Variants in DCLRE1C observed in about 807,000 individuals in gnomAD.
DCLRE1C encodes the protein DNA cross-link repair 1C.
DCLRE1C carries 47 observed loss-of-function variants against 61.4 expected under a neutral mutation model. The ratio of observed to expected loss-of-function variants is 0.77; its 90% CI spans 0.61 to 0.98. The LOEUF is 0.98. DCLRE1C is among the 50% of genes least tolerant of loss of function. The probability of loss-of-function intolerance (pLI) is 0.00; values close to 1 mark genes in which losing one functional copy is unlikely to be tolerated. For missense variants in DCLRE1C, 858 were observed against 816.0 expected, an observed-to-expected ratio of 1.05 and a Z score of -0.63; for synonymous variants, 337 against 287.6, an observed-to-expected ratio of 1.17 and a Z score of -1.74.
intron 13 of DCLRE1C, among the ~76,000 whole-genome samples, chr10:14,918,813 G>A (rs1307074585): frequency 6.6e-6 from 1 of 152,046 alleles, no homozygotes; most frequent in Non-Finnish European, 1.5e-5. Flanking sequence ...TCTTGGAATT[G>A]TCATCTAAAT....
Position 14,926,856 on chromosome 10 carries a change from G to C in DCLRE1C, c.959C>G (p.Ser320Cys), listed in dbSNP as rs41298896. ...SSYRACFSFHSSYSEIKDFLS... is the reference protein window; with the variant it reads ...SSYRACFSFHCSYSEIKDFLS... ...GGATCCTCTTACCTCACTGTAGGAG[G>C]AGTGAAAAGAAAAACAAGCTCTGTA... is the stretch of plus-strand genomic sequence containing the variant. Residue 320 changes from serine to cysteine, a missense_variant, in exon 11 of 14, where the codon TCC becomes TGC. By Grantham distance (112) the Ser-to-Cys change is moderately radical. This residue lies in a region of DCLRE1C where 843 missense variants were observed against 783.5 expected (regional missense o/e 1.08). Coordinates refer to ENST00000378278, the MANE Select transcript of DCLRE1C (RefSeq NM_001033855.3). 2.0e-3 allele frequency: 3,190 copies of C among 1,613,084 alleles called. 43 individuals carry two copies. The African/African-American group carries it at 0.036, about 18-fold the overall frequency.
intron 9 of DCLRE1C, among the ~76,000 whole-genome samples, chr10:14,930,292 T>C (rs2130881250): frequency 6.7e-6 from 1 of 148,536 alleles, no homozygotes; most frequent in South Asian, 2.2e-4. Flanking sequence ...TTTTTTTTTT[T>C]TTTTTTTTTT....
rs757316102 is a variant in DCLRE1C, at chr10:14,936,550, G to A, written c.350C>T (p.Pro117Leu). 3.5e-5 allele frequency: 57 copies of A among 1,612,312 alleles called. No homozygotes were observed. Among genetic ancestry groups the A allele is most frequent in the East Asian group, 4.5e-5 (2 of 44,866 alleles). The part of the protein sequence containing the change: ...VVTLLPAGHC[P>L]GSVMFLFQGN... ...ATGACCCCCTTACATAACTGATCCC[G>A]GACAGTGACCAGCTGGTAAGAGAGT... The change falls in exon 5 of 14, where the codon CCG (proline) becomes CTG (leucine). Residue 117 changes from proline (P) to leucine (L), a missense_variant. Transcript: ENST00000378278.
intron 13 of DCLRE1C, among the ~76,000 whole-genome samples, chr10:14,914,005 A>G (rs982059089): frequency 5.9e-5 from 9 of 152,240 alleles, no homozygotes; most frequent in Non-Finnish European, 1.3e-4. Flanking sequence ...AAAAGAATAA[A>G]GAACAAATGG....
At chr10:14,914,503 C>T (rs1388811527) in intron 13 of DCLRE1C, among the ~76,000 whole-genome samples, 2 of 152,194 alleles carry the variant, frequency 1.3e-5, no homozygotes, top group Non-Finnish European at 2.9e-5. Context: ...ACATTGTCAA[C>T]TAACTTAGCC....
chr10:14,918,644 AG>A (rs946975195), intron 13 of DCLRE1C, among the ~76,000 whole-genome samples: 40 of 151,592 alleles, frequency 2.6e-4, no homozygotes, highest in African/African-American at 6.3e-4. Context: ...AAAAAAAAAA[AG>A]AAAAAAACCT....
intron 3 of DCLRE1C, among the ~76,000 whole-genome samples, chr10:14,943,222 C>T (rs1841160439): frequency 6.6e-6 from 1 of 152,164 alleles, no homozygotes; most frequent in Admixed American, 6.5e-5. Flanking sequence ...ATGTAATGAA[C>T]CCACATTCTG....
intron 2 of DCLRE1C, among the ~76,000 whole-genome samples, chr10:14,948,547 A>G (rs1842013010): frequency 6.6e-6 from 1 of 152,196 alleles, no homozygotes; most frequent in South Asian, 2.1e-4. Flanking sequence ...AATCACACAA[A>G]TACAAAGTTA....
Position 14,915,651 on chromosome 10 carries a change from A to T in DCLRE1C, c.1156+4087T>A, listed in dbSNP as rs1836059751. On this transcript the variant is annotated intron_variant, in intron 13 of 13. Transcript: ENST00000378278. ...TCACATTTGTAGTTAAAAAAAAAAAACCTTCCCACAAAGAAAACTCCTTTC... is the reference window on the plus strand; with the variant it reads ...TCACATTTGTAGTTAAAAAAAAAAATCCTTCCCACAAAGAAAACTCCTTTC... 2.0e-5 allele frequency among the ~76,000 whole-genome samples: 3 copies of T among 151,660 alleles called. No homozygotes were observed. The South Asian group carries it at 6.2e-4, about 32-fold the overall frequency.
At position 14,909,103 on chromosome 10, in the gene DCLRE1C, C is replaced by T; in HGVS notation, c.1384G>A (p.Glu462Lys). 1 of 1,614,148 alleles carries T rather than the reference C, an allele frequency of 6.2e-7. No individual in the cohort carries two copies. ...CEESNSESEEEVGIPASLQGD... is the reference protein window; with the variant it reads ...CEESNSESEEKVGIPASLQGD... The stretch of plus-strand genomic sequence containing the variant: ...TGCAGTGAAGCTGGGATTCCTACTT[C>T]TTCTTCACTTTCACTGTTGGATTCT... The change falls in exon 14 of 14, where the codon GAA (glutamate) becomes AAA (lysine). Residue 462 changes from glutamate (E) to lysine (K), a missense_variant. Glu to Lys is a moderately conservative substitution (Grantham distance 56). This residue lies in a region of DCLRE1C where 843 missense variants were observed against 783.5 expected (regional missense o/e 1.08). Transcript: ENST00000378278.
chr10:14,928,632 G>C (rs897423935), intron 9 of DCLRE1C, among the ~76,000 whole-genome samples: 1 of 152,140 alleles, frequency 6.6e-6, no homozygotes, highest in South Asian at 2.1e-4. Context: ...TTATTCTCAA[G>C]AGCCACAGGC....
intron 8 of DCLRE1C, 62 bp downstream of exon 8, chr10:14,934,318 A>T: frequency 4.2e-5 from 65 of 1,533,744 alleles, no homozygotes; most frequent in Non-Finnish European, 5.2e-5. Context: ...ACATAGCAAG[A>T]CTCCCTCTCA....
intron 12 of DCLRE1C, among the ~76,000 whole-genome samples, chr10:14,922,440 A>T (rs1035700187): frequency 4.6e-5 from 6 of 131,390 alleles, no homozygotes; most frequent in African/African-American, 1.9e-4. Flanking sequence ...GACCCTGTCT[A>T]AAAAAAAAAA....
downstream of DCLRE1C, chr10:14,902,438 C>T: frequency 6.2e-7 from 1 of 1,610,440 alleles, no homozygotes; most frequent in Non-Finnish European, 8.5e-7. Context: ...TTCTATTGAC[C>T]ACAGCCCAGC....
chr10:14,931,879 C>A (rs531714751), intron 9 of DCLRE1C, among the ~76,000 whole-genome samples: 1 of 151,864 alleles, frequency 6.6e-6, no homozygotes, highest in Admixed American at 6.6e-5. Flanking sequence ...TCTCTACTTA[C>A]AAAAATTAGC....
chr10:14,934,277 G>A (rs769621967), intron 8 of DCLRE1C, 103 bp downstream of exon 8: 274 of 1,511,960 alleles, frequency 1.8e-4, no homozygotes, highest in Middle Eastern at 2.4e-4. Flanking sequence ...GCAGTGAGCC[G>A]AGGTCGCGTC....
At position 14,923,070 on chromosome 10, in the gene DCLRE1C, C is replaced by G; in HGVS notation, c.973-1G>C. The G allele has an allele frequency of 6.2e-7, 1 of 1,610,970 alleles. No individual in the cohort carries two copies. Among genetic ancestry groups the G allele is most frequent in the Non-Finnish European group, 8.5e-7 (1 of 1,177,188 alleles). On this transcript the variant is annotated splice_acceptor_variant, in intron 11 of 13. Coordinates refer to ENST00000378278, the MANE Select transcript of DCLRE1C (RefSeq NM_001033855.3). LOFTEE classifies it high-confidence loss of function. ...AGAGGTAGCTCAAGAAATCTTTAAT[C>G]TAGAAAAAGGAAAATCACATGGATC...
chr10:14,920,358 A>G (rs1359485173), intron 12 of DCLRE1C: 1 of 1,039,378 alleles, frequency 9.6e-7, no homozygotes, highest in African/African-American at 1.7e-5. Context: ...AGGCAGAGAA[A>G]TAAGATTTGA....
At chr10:14,953,787 C>T (rs1049067639) in intron 1 of DCLRE1C, 115 bp downstream of exon 1, 1 of 1,468,282 alleles carries the variant, frequency 6.8e-7, no homozygotes, top group Non-Finnish European at 9.3e-7. Flanking sequence ...GTGTGCTGGC[C>T]GCCCCCTCGC....
Sources: gnomAD v4.1 joint callset for allele counts (sites outside exome capture counted in the v4.1 genomes callset) on GRCh38, gnomAD v4.1.1 for gene constraint, gnomAD v4.1.1 regional missense constraint, MANE v1.5 for transcripts, NCBI Gene and HGNC (gene_info 2026-07-23, HGNC 2026-07-21) for gene names.